The following CDS2 variants were observed in gnomAD, a reference collection of about 807,000 sequenced individuals.
CDS2 encodes phosphatidate cytidylyltransferase 2.
CDS2 carries 47 observed loss-of-function variants against 59.0 expected under a neutral mutation model. The observed-to-expected ratio is 0.80, with a 90% CI of 0.63 to 1.02. CDS2 has a LOEUF of 1.02. Among genes scored for constraint, CDS2 ranks in the 50% least tolerant of loss-of-function variants. The probability of loss-of-function intolerance (pLI) is 0.00; values close to 1 mark genes in which losing one functional copy is unlikely to be tolerated. For missense variants in CDS2, 356 were observed against 558.9 expected, an observed-to-expected ratio of 0.64 and a Z score of 3.66; for synonymous variants, 207 against 206.4, an observed-to-expected ratio of 1.00 and a Z score of -0.02.
chr20:5,163,502 C>T (rs1404533441), intron 1 of CDS2, among the ~76,000 whole-genome samples: 1 of 150,262 alleles, frequency 6.7e-6, no homozygotes, highest in East Asian at 2.1e-4. Context: ...CTCAGGTGAT[C>T]CACCCGCCTC....
chr20:5,152,539 C>G (rs1200066488), intron 1 of CDS2, among the ~76,000 whole-genome samples: 1 of 152,084 alleles, frequency 6.6e-6, no homozygotes, highest in African/African-American at 2.4e-5. Flanking sequence ...ATCAGGAGTT[C>G]GAGACCAGCC....
intron 5 of CDS2, among the ~76,000 whole-genome samples, chr20:5,179,915 C>G (rs780696767): frequency 3.3e-5 from 5 of 152,206 alleles, no homozygotes; most frequent in African/African-American, 1.2e-4. Context: ...TTTGTTCTGA[C>G]CTCAATGTCA....
intron 1 of CDS2, among the ~76,000 whole-genome samples, chr20:5,155,396 A>G (rs1283991693): frequency 6.6e-6 from 1 of 152,230 alleles, no homozygotes; most frequent in Non-Finnish European, 1.5e-5. Context: ...CAAGGTAAAC[A>G]AAGATGAATA....
chr20:5,175,415 C>T (rs529316795), intron 3 of CDS2, 136 bp downstream of exon 3: 18 of 670,774 alleles, frequency 2.7e-5, no homozygotes, highest in Admixed American at 2.3e-4. Context: ...TGCCATAGAA[C>T]ATCTGTGACT....
chr20:5,166,659 G>C (rs867318341), intron 1 of CDS2, among the ~76,000 whole-genome samples: 1 of 152,194 alleles, frequency 6.6e-6, no homozygotes, highest in Non-Finnish European at 1.5e-5. Context: ...CATCAACCCA[G>C]GGGGAGGTGC....
At chr20:5,174,650 G>GGGA (rs1192678572) in intron 2 of CDS2, among the ~76,000 whole-genome samples, 2 of 151,910 alleles carry the variant, frequency 1.3e-5, no homozygotes, top group Admixed American at 6.6e-5. Flanking sequence ...GCATGAACCT[G>GGGA]GGCGGAGCTT....
rs548436470 is a variant in CDS2, at chr20:5,183,613, G to A, written c.671+470G>A. On this transcript the variant is annotated intron_variant, in intron 7 of 12. Coordinates refer to ENST00000460006, the MANE Select transcript of CDS2 (RefSeq NM_003818.4). Reference sequence around the variant, plus strand: ...TCTGGAAAGAGAAACAGGACCAAATGGGTTAACAGCTGAGTTTTATCTAAC... The same window carrying A: ...TCTGGAAAGAGAAACAGGACCAAATAGGTTAACAGCTGAGTTTTATCTAAC... 2.6e-5 allele frequency among the ~76,000 whole-genome samples: 4 copies of A among 152,274 alleles called. No homozygotes were observed. In the East Asian group the frequency reaches 7.7e-4, roughly 29 times the overall value.
At position 5,191,050 on chromosome 20, in the gene CDS2, C is replaced by T. The variant is rs1757125692; in HGVS notation, c.*816C>T. The T allele has an allele frequency of 6.6e-6, 1 of 152,614 alleles. No individual in the cohort carries two copies. The highest frequency in any genetic ancestry group is 2.1e-4 in the South Asian group (1 of 4,828). 9.5% of individuals were successfully genotyped at this position (152,614 alleles called of 1,614,324 possible). On this transcript the variant is annotated 3_prime_UTR_variant, in exon 13 of 13. Coordinates refer to ENST00000460006, the MANE Select transcript of CDS2 (RefSeq NM_003818.4). ...ATGCCATCCATGTTTGTGCTGTAGA[C>T]TTGCTGCTGCTGAATCCTTTCTGGG...
intron 1 of CDS2, among the ~76,000 whole-genome samples, chr20:5,158,227 T>C (rs754095806): frequency 2.7e-5 from 4 of 149,808 alleles, no homozygotes; most frequent in South Asian, 2.1e-4. Context: ...TGGAGTGCAA[T>C]GGCACAGTCT....
chr20:5,189,724 G>T lies in CDS2; in HGVS notation c.1102-11G>T. ...GCCCAAGTTCACCCATCCTTCCCCTGCCTCTAACAGGACTTTGCCAATACC... is the reference window on the plus strand; with the variant it reads ...GCCCAAGTTCACCCATCCTTCCCCTTCCTCTAACAGGACTTTGCCAATACC... On this transcript the variant is annotated splice_polypyrimidine_tract_variant and intron_variant, in intron 11 of 12. Coordinates refer to ENST00000460006, the MANE Select transcript of CDS2 (RefSeq NM_003818.4). 1.9e-6 allele frequency: 3 copies of T among 1,609,022 alleles called. No homozygotes were observed. Among genetic ancestry groups the T allele is most frequent in the South Asian group, 2.2e-5 (2 of 90,760 alleles).
At chr20:5,136,365 C>T (rs938839421) in intron 1 of CDS2, among the ~76,000 whole-genome samples, 1 of 152,152 alleles carries the variant, frequency 6.6e-6, no homozygotes, top group Non-Finnish European at 1.5e-5. Flanking sequence ...TCCTTTGTTC[C>T]CGTGCCCAGG....
chr20:5,166,149 GCAGTTACT>G (rs1164492859), intron 1 of CDS2, among the ~76,000 whole-genome samples: 10 of 152,272 alleles, frequency 6.6e-5, no homozygotes, highest in Non-Finnish European at 1.0e-4. Context: ...TTAGGCTGTT[GCAGTTACT>G]CAGGAGGGAT....
intron 2 of CDS2, among the ~76,000 whole-genome samples, chr20:5,174,648 C>T (rs2090981229): frequency 6.6e-6 from 1 of 151,696 alleles, no homozygotes; most frequent in African/African-American, 2.4e-5. Flanking sequence ...TGGCATGAAC[C>T]TGGGCGGAGC....
intron 1 of CDS2, among the ~76,000 whole-genome samples, chr20:5,160,799 T>A (rs1369456856): frequency 6.6e-6 from 1 of 152,224 alleles, no homozygotes; most frequent in Non-Finnish European, 1.5e-5. Context: ...GTAAGTGGAA[T>A]CATATATTTG....
At chr20:5,178,762 C>T in intron 4 of CDS2, 55 bp from the exon 5 acceptor site, 2 of 1,602,868 alleles carry the variant, frequency 1.2e-6, no homozygotes, top group Non-Finnish European at 1.7e-6. Flanking sequence ...TGTCTGACTG[C>T]CTTGCTGTGA....
chr20:5,135,488 A>G (rs767776074), intron 1 of CDS2, among the ~76,000 whole-genome samples: 4 of 152,230 alleles, frequency 2.6e-5, no homozygotes, highest in African/African-American at 9.6e-5. Flanking sequence ...AAAGAGACGG[A>G]CACTGACTCT....
At chr20:5,178,519 G>T (rs1005214426) in intron 4 of CDS2, among the ~76,000 whole-genome samples, 2 of 152,146 alleles carry the variant, frequency 1.3e-5, no homozygotes, top group African/African-American at 4.8e-5. Flanking sequence ...AAGGTCATAT[G>T]GTTCAAGGAT....
chr20:5,130,127 C>T (rs561674095), intron 1 of CDS2, among the ~76,000 whole-genome samples: 1 of 152,182 alleles, frequency 6.6e-6, no homozygotes, highest in African/African-American at 2.4e-5. Flanking sequence ...TGCCTGCCAT[C>T]ACGACTGGCT....
At chr20:5,159,160 A>T (rs1384481809) in intron 1 of CDS2, among the ~76,000 whole-genome samples, 1 of 152,094 alleles carries the variant, frequency 6.6e-6, no homozygotes, top group African/African-American at 2.4e-5. Context: ...CTAATGTGTT[A>T]CATTTTCTTT....
Sources: gnomAD v4.1 joint callset for allele counts (sites outside exome capture counted in the v4.1 genomes callset) on GRCh38, gnomAD v4.1.1 for gene constraint, MANE v1.5 for transcripts, NCBI Gene and HGNC (gene_info 2026-07-23, HGNC 2026-07-21) for gene names.